SEC14L1: variants seen among roughly 807,000 people sequenced by gnomAD.
SEC14L1 encodes the protein SEC14 like lipid binding 1, also known as SEC14-like protein 1.
Under a neutral mutation model 85.3 loss-of-function variants are expected in SEC14L1, and 48 were observed. That is an observed-to-expected ratio of 0.56 (90% CI 0.45 to 0.72). The LOEUF (loss-of-function observed/expected upper bound fraction) is 0.72. Ranked by LOEUF, SEC14L1 falls within the 30% of genes least tolerant of loss-of-function variation. The probability of loss-of-function intolerance (pLI) is 0.00; values close to 1 mark genes in which losing one functional copy is unlikely to be tolerated. For missense variants in SEC14L1, 682 were observed against 921.4 expected (o/e 0.74, Z 3.36); for synonymous variants, 391 against 355.5 (o/e 1.10, Z -1.12).
rs149220219 is a variant in SEC14L1, at chr17:77,214,451, C to T, written c.*428C>T. ...GGACGGAAGCTGCCAGCTCGCTTCC[C>T]CCAAGCTGCCTCATGGCCCGCACGC... On this transcript the variant is annotated 3_prime_UTR_variant, in exon 17 of 17. Transcript: ENST00000436233. 5.7e-4 allele frequency: 577 copies of T among 1,003,708 alleles called. No homozygotes were observed. The highest frequency in any genetic ancestry group is 6.5e-4 in the Non-Finnish European group (543 of 840,260). 62.2% of individuals were successfully genotyped at this position (1,003,708 alleles called of 1,614,324 possible). A position where few individuals can be genotyped will look rare whatever the true frequency, so the allele number is the denominator to read the frequency against.
intron 3 of SEC14L1, among the ~76,000 whole-genome samples, chr17:77,151,117 T>G (rs1436675550): frequency 6.6e-6 from 1 of 152,218 alleles, no homozygotes; most frequent in Non-Finnish European, 1.5e-5. Context: ...AGAATTTGTT[T>G]TTACCCAAAC....
intron 3 of SEC14L1, among the ~76,000 whole-genome samples, chr17:77,154,637 G>GGT (rs147757076): frequency 1.1e-4 from 16 of 146,964 alleles, no homozygotes; most frequent in African/African-American, 3.5e-4. Flanking sequence ...GGTTTTTTTT[G>GGT]TTTTTTTTTG....
intron 3 of SEC14L1, among the ~76,000 whole-genome samples, chr17:77,133,744 G>GCCTGGC (rs1417859009): frequency 6.6e-6 from 1 of 151,934 alleles, no homozygotes; most frequent in Admixed American, 6.6e-5. Context: ...TTCGAGACCA[G>GCCTGGC]CCTGGCCAAG....
At chr17:77,189,165 G>A (rs1747612554) in intron 3 of SEC14L1, among the ~76,000 whole-genome samples, 2 of 152,122 alleles carry the variant, frequency 1.3e-5, no homozygotes, top group South Asian at 2.1e-4. Context: ...ACAGAATTCT[G>A]TGAAATAGAA....
At chr17:77,176,415 C>A (rs931696740) in intron 3 of SEC14L1, among the ~76,000 whole-genome samples, 97 of 152,314 alleles carry the variant, frequency 6.4e-4, no homozygotes, top group African/African-American at 2.2e-3. Flanking sequence ...AGGATTTACC[C>A]AGGACTCTCT....
chr17:77,176,830 G>A (rs148626801), intron 3 of SEC14L1, among the ~76,000 whole-genome samples: 10 of 151,932 alleles, frequency 6.6e-5, no homozygotes, highest in Admixed American at 1.3e-4. Flanking sequence ...CAGGTGATCC[G>A]CCCACCTTGA....
At chr17:77,158,371 A>T (rs1973901646) in intron 3 of SEC14L1, among the ~76,000 whole-genome samples, 1 of 152,104 alleles carries the variant, frequency 6.6e-6, no homozygotes, top group Admixed American at 6.6e-5. Context: ...TTCTGTCCCT[A>T]TAAATTTGAC....
chr17:77,183,187 G>C (rs1370829071), intron 3 of SEC14L1, among the ~76,000 whole-genome samples: 1 of 152,220 alleles, frequency 6.6e-6, no homozygotes, highest in Non-Finnish European at 1.5e-5. Flanking sequence ...TTTACATGTG[G>C]ACTTTCTCCC....
chr17:77,148,000 T>A (rs1303274848), intron 3 of SEC14L1, among the ~76,000 whole-genome samples: 1 of 152,212 alleles, frequency 6.6e-6, no homozygotes, highest in Non-Finnish European at 1.5e-5. Flanking sequence ...CATAGTGATA[T>A]GATCCCACAG....
intron 3 of SEC14L1, among the ~76,000 whole-genome samples, chr17:77,153,015 G>A (rs1567896854): frequency 6.6e-6 from 1 of 152,142 alleles, no homozygotes; most frequent in Non-Finnish European, 1.5e-5. Flanking sequence ...AGGAGAAGGT[G>A]TGGACCTAAA....
rs560372056 is a variant in SEC14L1 at position 77,146,455 on chromosome 17, G to A, written c.63+2796G>A. The stretch of plus-strand genomic sequence containing the variant: ...CTTACTTCACTATTTTCAAAATTGT[G>A]ACGTTTACCTTGCCAGTTCATGCAG... On this transcript the variant is annotated intron_variant, in intron 3 of 16. Coordinates refer to ENST00000436233, the MANE Select transcript of SEC14L1 (RefSeq NM_001143998.2). 2.6e-5 allele frequency among the ~76,000 whole-genome samples: 4 copies of A among 152,276 alleles called. 1 individual carries two copies. Among genetic ancestry groups the A allele is most frequent in the Middle Eastern group, 6.8e-3 (2 of 294 alleles).
intron 7 of SEC14L1, among the ~76,000 whole-genome samples, chr17:77,195,444 G>T (rs959537833): frequency 1.3e-5 from 2 of 151,938 alleles, no homozygotes; most frequent in African/African-American, 4.8e-5. Context: ...TCAGCCTCCC[G>T]AGTAGCTGGG....
intron 13 of SEC14L1, among the ~76,000 whole-genome samples, chr17:77,207,486 C>G (rs896386442): frequency 2.6e-5 from 4 of 151,952 alleles, no homozygotes; most frequent in African/African-American, 9.7e-5. Context: ...GAGTCTTGCT[C>G]TGTTGCACAG....
At chr17:77,124,145 C>T (rs1212772011) in intron 3 of SEC14L1, among the ~76,000 whole-genome samples, 1 of 152,082 alleles carries the variant, frequency 6.6e-6, no homozygotes, top group Non-Finnish European at 1.5e-5. Flanking sequence ...AGGTGGATCA[C>T]TTGAGCCCAG....
At position 77,211,500 on chromosome 17, in the gene SEC14L1, C is replaced by T. The variant is rs553368794; in HGVS notation, c.1612-450C>T. On this transcript the variant is annotated intron_variant, in intron 14 of 16. Coordinates refer to ENST00000436233, the MANE Select transcript of SEC14L1 (RefSeq NM_001143998.2). ...TCGTGTGAGCCTCACACGGCAGGCC[C>T]GGTTCCATGCCCCTGCTTCCCCCTT... The T allele has an allele frequency of 7.5e-4, 131 of 174,250 alleles. 1 individual carries two copies. The highest frequency in any genetic ancestry group is 3.0e-3 in the African/African-American group (126 of 41,912). 10.8% of individuals were successfully genotyped at this position (174,250 alleles called of 1,614,324 possible).
chr17:77,195,649 G>T (rs1051493829), intron 7 of SEC14L1, among the ~76,000 whole-genome samples: 2 of 152,062 alleles, frequency 1.3e-5, no homozygotes, highest in Admixed American at 6.6e-5. Flanking sequence ...CGCCACGCCT[G>T]ACTAATTTTT....
rs764435810 is a variant in SEC14L1, at chr17:77,160,020, TA to T, written c.63+16364del. On this transcript the variant is annotated intron_variant, in intron 3 of 16. Transcript: ENST00000436233. ...TTTCTTTGTTCTTCAGAGTGTGATT[TA>T]AATTTTAAGTGCTTCAAGGTCTATG... Among the ~76,000 whole-genome samples, 43 of 152,356 alleles carry T rather than the reference TA, an allele frequency of 2.8e-4. No individual in the cohort carries two copies. In the East Asian group the frequency reaches 2.9e-3, roughly 10 times the overall value.
chr17:77,193,344 C>A, intron 5 of SEC14L1, 77 bp from the exon 6 acceptor site: 1 of 1,386,556 alleles, frequency 7.2e-7, no homozygotes, highest in Non-Finnish European at 9.7e-7. Flanking sequence ...TTTCTGGTTA[C>A]TGGTTAAACT....
Position 77,215,237 on chromosome 17 carries a change from G to C in SEC14L1, c.*1214G>C. ...TGTTTAATTCCTGATTTTAAAGCCT[G>C]CTCTATCTGGTACAGGCCCTTATTT... is the stretch of plus-strand genomic sequence containing the variant. On this transcript the variant is annotated 3_prime_UTR_variant, in exon 17 of 17. Transcript: ENST00000436233. The C allele has an allele frequency of 1.0e-6, 1 of 985,440 alleles. No individual in the cohort carries two copies. The highest frequency in any genetic ancestry group is 1.2e-6 in the Non-Finnish European group (1 of 829,944). The allele number at this position is 985,440 out of a possible 1,614,324, so 61.0% of individuals were successfully genotyped here. A position where few individuals can be genotyped will look rare whatever the true frequency, so the allele number is the denominator to read the frequency against.
Sources: gnomAD v4.1 joint callset for allele counts (sites outside exome capture counted in the v4.1 genomes callset) on GRCh38, gnomAD v4.1.1 for gene constraint, MANE v1.5 for transcripts, NCBI Gene and HGNC (gene_info 2026-07-23, HGNC 2026-07-21) for gene names.